The following FAT3 variants were observed in gnomAD, a reference collection of about 807,000 sequenced individuals.
FAT3 encodes the protein protocadherin Fat 3.
FAT3 carries 95 observed loss-of-function variants against 310.2 expected under a neutral mutation model. The ratio of observed to expected loss-of-function variants is 0.31; its 90% CI spans 0.26 to 0.36. FAT3 has a LOEUF of 0.36. Among genes scored for constraint, FAT3 ranks in the 10% least tolerant of loss-of-function variants. The probability of loss-of-function intolerance (pLI) is 1.00; values close to 1 mark genes in which losing one functional copy is unlikely to be tolerated. For synonymous variants in FAT3, 2,314 were observed against 2,192.9 expected (o/e 1.06, Z -1.54); for missense variants, 5,408 against 5,715.6 (o/e 0.95, Z 1.74).
At chr11:92,733,062 A>G (rs578111806) in intron 4 of FAT3, among the ~76,000 whole-genome samples, 7 of 152,294 alleles carry the variant, frequency 4.6e-5, no homozygotes, top group Admixed American at 1.3e-4. Context: ...AGCTGACTGG[A>G]GCCTAGAGAG....
intron 2 of FAT3, among the ~76,000 whole-genome samples, chr11:92,434,520 A>G (rs1950882049): frequency 6.6e-6 from 1 of 152,148 alleles, no homozygotes; most frequent in Non-Finnish European, 1.5e-5. Flanking sequence ...GATCAGGATG[A>G]AAGTGGGATT....
chr11:92,871,976 AT>A (rs201933639), intron 22 of FAT3, among the ~76,000 whole-genome samples: 741 of 151,236 alleles, frequency 4.9e-3, no homozygotes, highest in East Asian at 9.3e-3. Context: ...AAAAAAAAAA[AT>A]TAGTATAAAG....
chr11:92,394,777 GA>G (rs1184825416), intron 2 of FAT3, among the ~76,000 whole-genome samples: 1 of 151,938 alleles, frequency 6.6e-6, no homozygotes, highest in East Asian at 1.9e-4. Context: ...AAATTAATAG[GA>G]AAAAATTTGT....
intron 2 of FAT3, among the ~76,000 whole-genome samples, chr11:92,500,421 C>G (rs1266516719): frequency 6.6e-6 from 1 of 151,738 alleles, no homozygotes; most frequent in African/African-American, 2.4e-5. Flanking sequence ...AAGATTGATG[C>G]CCTAAAATGC....
In FAT3 at chr11:92,801,773, T is replaced by G. The variant is rs758151392; in HGVS notation, c.8760T>G (p.Asn2920Lys). Reference protein sequence around the residue: ...VSVRVTDINDNAPVFAQEVYR... With the variant: ...VSVRVTDINDKAPVFAQEVYR... ...TCAGAGTGACAGATATAAATGACAA[T>G]GCACCAGTCTTCGCGCAGGAAGTGT... The change falls in exon 10 of 28, where the codon AAT (asparagine) becomes AAG (lysine). Residue 2920 changes from asparagine to lysine, a missense_variant. Asn to Lys is a moderately conservative substitution (Grantham distance 94). Around this residue, in one of 5 missense-constraint regions of FAT3, gnomAD observed 4,588 missense variants for 4,809.8 expected, o/e 0.95. Transcript: ENST00000525166. 5.6e-6 allele frequency: 9 copies of G among 1,613,750 alleles called. No homozygotes were observed. In the Admixed American group the frequency reaches 1.5e-4, roughly 27 times the overall value.
chr11:92,409,254 T>A lies in FAT3; in HGVS notation c.3292+53850T>A, dbSNP rs894074079. 3.4e-5 allele frequency among the ~76,000 whole-genome samples: 5 copies of A among 147,062 alleles called. No individual in the cohort carries two copies. The South Asian group carries it at 1.1e-3, about 32-fold the overall frequency. ...AATCAATGAAGCTTTCGTGTGTGTGTGTGTGTCGTGTGTGTGTGTGTGTAT... is the reference window on the plus strand; with the variant it reads ...AATCAATGAAGCTTTCGTGTGTGTGAGTGTGTCGTGTGTGTGTGTGTGTAT... On this transcript the variant is annotated intron_variant, in intron 2 of 27. Coordinates refer to ENST00000525166, the MANE Select transcript of FAT3 (RefSeq NM_001367949.2).
At chr11:92,702,765 C>A (rs1423726108) in intron 4 of FAT3, among the ~76,000 whole-genome samples, 1 of 152,146 alleles carries the variant, frequency 6.6e-6, no homozygotes, top group Non-Finnish European at 1.5e-5. Context: ...GTATTATTTG[C>A]CTCCCTTTTG....
intron 3 of FAT3, among the ~76,000 whole-genome samples, chr11:92,639,303 T>C (rs1941874935): frequency 6.6e-6 from 1 of 152,190 alleles, no homozygotes; most frequent in Non-Finnish European, 1.5e-5. Flanking sequence ...TCTGCCATCT[T>C]TTTTATGTTG....
chr11:92,520,246 G>A (rs1467891861), intron 2 of FAT3, among the ~76,000 whole-genome samples: 1 of 152,166 alleles, frequency 6.6e-6, no homozygotes, highest in Admixed American at 6.5e-5. Context: ...AAACAGTACA[G>A]ACTATATTAT....
intron 3 of FAT3, among the ~76,000 whole-genome samples, chr11:92,595,349 C>T (rs1939649359): frequency 6.6e-6 from 1 of 152,102 alleles, no homozygotes; most frequent in Admixed American, 6.5e-5. Flanking sequence ...GATTGCATTT[C>T]TGAGAAGGCT....
At chr11:92,789,897 G>A (rs376805326) in intron 7 of FAT3, 46 bp from the exon 8 acceptor site, 1 of 1,597,140 alleles carries the variant, frequency 6.3e-7, no homozygotes, top group Non-Finnish European at 8.6e-7. Context: ...TATTAGCAGT[G>A]AGCAAATTGG....
chr11:92,347,782 A>T lies in FAT3; in HGVS notation c.-17-4314A>T, dbSNP rs1948456182. Among the ~76,000 whole-genome samples the T allele has an allele frequency of 2.0e-5, 3 of 152,338 alleles. No individual in the cohort carries two copies. In the South Asian group the frequency reaches 6.2e-4, roughly 32 times the overall value. ...GCTTGATGATCTCTTTGGAGATTAT[A>T]TCAAAAATTATTGATTATGTTAGTA... On this transcript the variant is annotated intron_variant, in intron 1 of 27. Coordinates refer to ENST00000525166, the MANE Select transcript of FAT3 (RefSeq NM_001367949.2).
chr11:92,633,947 A>G (rs1307533137), intron 3 of FAT3, among the ~76,000 whole-genome samples: 1 of 152,226 alleles, frequency 6.6e-6, no homozygotes, highest in East Asian at 1.9e-4. Context: ...TGCTGTGGAT[A>G]CAGATATTAA....
chr11:92,726,937 A>G lies in FAT3; in HGVS notation c.3669+29492A>G, dbSNP rs142756404. ...TACCTTACAGTTAAATCTATTCAAT[A>G]GAAGTCCACATCTCCCTAGGATTCT... is the stretch of plus-strand genomic sequence containing the variant. On this transcript the variant is annotated intron_variant, in intron 4 of 27. Coordinates refer to ENST00000525166, the MANE Select transcript of FAT3 (RefSeq NM_001367949.2). 8.6e-3 allele frequency among the ~76,000 whole-genome samples: 1,309 copies of G among 152,032 alleles called. 29 individuals carry two copies. Among genetic ancestry groups the G allele is most frequent in the African/African-American group, 0.03 (1,244 of 41,366 alleles).
chr11:92,352,755 T>G lies in FAT3; in HGVS notation c.643T>G (p.Leu215Val), dbSNP rs1426626199. The G allele has an allele frequency of 6.2e-7, 1 of 1,613,828 alleles. No homozygotes were observed. The highest frequency in any genetic ancestry group is 8.5e-7 in the Non-Finnish European group (1 of 1,179,882). Residue 215 changes from leucine to valine, a missense_variant, in exon 2 of 28, where the codon TTA becomes GTA. Leu to Val is a conservative substitution (Grantham distance 32). This residue lies in a region of FAT3 where 4,588 missense variants were observed against 4,809.8 expected (regional missense o/e 0.95). Transcript: ENST00000525166. ...TCACCCCACGAGTGGTGTCATCTCC[T>G]TAAGTGGTCGATTAAATTATGATGA... ...SVHPTSGVIS[L>V]SGRLNYDEKN...
chr11:92,805,496 G>T, intron 11 of FAT3, 147 bp downstream of exon 11: 1 of 758,394 alleles, frequency 1.3e-6, no homozygotes, highest in Non-Finnish European at 1.9e-6. Context: ...GTGAAGTTTA[G>T]GAAGAAATAT....
At position 92,753,798 on chromosome 11, in the gene FAT3, G is replaced by GTGTGTGTGTGTATATATATA; in HGVS notation, c.3670-8057_3670-8056insGTGTGTGTGTATATATATAT. Among the ~76,000 whole-genome samples the GTGTGTGTGTGTATATATATA allele has an allele frequency of 1.9e-4, 23 of 119,176 alleles. 2 individuals carry two copies. Among genetic ancestry groups the GTGTGTGTGTGTATATATATA allele is most frequent in the Admixed American group, 4.0e-4 (5 of 12,570 alleles). The allele number at this position is 119,176 out of a possible 152,430, so 78.2% of individuals were successfully genotyped here. ...GGTGTGTGTGTGTGTGTGTGTGTGT[G>GTGTGTGTGTGTATATATATA]TATATATATATGGTGGAATACTACT... On this transcript the variant is annotated intron_variant, in intron 4 of 27. Transcript: ENST00000525166.
chr11:92,520,323 C>A (rs1953640535), intron 2 of FAT3, among the ~76,000 whole-genome samples: 1 of 151,854 alleles, frequency 6.6e-6, no homozygotes, highest in Non-Finnish European at 1.5e-5. Context: ...TCTGTGGTTA[C>A]CTGGGGGTAG....
At chr11:92,437,660 A>C (rs1034436583) in intron 2 of FAT3, among the ~76,000 whole-genome samples, 2 of 152,182 alleles carry the variant, frequency 1.3e-5, no homozygotes, top group African/African-American at 4.8e-5. Flanking sequence ...ATGGGTTAGG[A>C]TATTCCAGTA....
Sources: gnomAD v4.1 joint callset for allele counts (sites outside exome capture counted in the v4.1 genomes callset) on GRCh38, gnomAD v4.1.1 for gene constraint, gnomAD v4.1.1 regional missense constraint, MANE v1.5 for transcripts, NCBI Gene and HGNC (gene_info 2026-07-23, HGNC 2026-07-21) for gene names.